The following MYT1L variants were observed in gnomAD, a reference collection of about 807,000 sequenced individuals.
MYT1L encodes the protein myelin transcription factor 1-like protein.
Under a neutral mutation model 126.7 loss-of-function variants are expected in MYT1L, and 12 were observed. The ratio of observed to expected loss-of-function variants is 0.09; its 90% CI spans 0.06 to 0.15. The LOEUF (loss-of-function observed/expected upper bound fraction) is 0.15, where lower values mean the gene tolerates loss of function less well. MYT1L is among the 10% of genes least tolerant of loss of function. The pLI, the probability that MYT1L is intolerant of heterozygous loss-of-function variation, is 1.00. For synonymous variants in MYT1L, 541 were observed against 604.2 expected, an observed-to-expected ratio of 0.90 and a Z score of 1.53; for missense variants, 979 against 1,585.2, an observed-to-expected ratio of 0.62 and a Z score of 6.49.
At chr2:1,942,156 C>T (rs923355899) in intron 9 of MYT1L, among the ~76,000 whole-genome samples, 4 of 152,104 alleles carry the variant, frequency 2.6e-5, no homozygotes, top group African/African-American at 9.7e-5. Context: ...GATAGCTAGG[C>T]TTTGCAAAAA....
intron 2 of MYT1L, among the ~76,000 whole-genome samples, chr2:2,173,813 G>A (rs974161324): frequency 7.2e-5 from 11 of 152,168 alleles, no homozygotes; most frequent in Non-Finnish European, 1.3e-4. Context: ...TGTGTCAGGA[G>A]AACGAAGAGA....
At chr2:2,230,454 A>G (rs1467975690) in intron 2 of MYT1L, among the ~76,000 whole-genome samples, 1 of 152,248 alleles carries the variant, frequency 6.6e-6, no homozygotes, top group African/African-American at 2.4e-5. Context: ...ATTCAGGATT[A>G]TGAATCGCCA....
rs1240851045 is a variant in MYT1L at position 1,956,619 on chromosome 2, T to TCTATCTATCTATCTAC, written c.153-13286_153-13285insGTAGATAGATAGATAG. 4.7e-4 allele frequency among the ~76,000 whole-genome samples: 63 copies of TCTATCTATCTATCTAC among 134,358 alleles called. 1 individual carries two copies. Among genetic ancestry groups the TCTATCTATCTATCTAC allele is most frequent in the South Asian group, 9.3e-4 (4 of 4,280 alleles). The allele number at this position is 134,358 out of a possible 152,430, so 88.1% of individuals were successfully genotyped here. ...ATCTATCTATCTATCTATCTATCTA[T>TCTATCTATCTATCTAC]CTACCTACCTACCTATCTAGCTATC... On this transcript the variant is annotated intron_variant, in intron 8 of 24. Coordinates refer to ENST00000647738, the MANE Select transcript of MYT1L (RefSeq NM_001303052.2).
intron 21 of MYT1L, among the ~76,000 whole-genome samples, chr2:1,819,796 C>T (rs2038242274): frequency 6.6e-6 from 1 of 152,214 alleles, no homozygotes; most frequent in Non-Finnish European, 1.5e-5. Context: ...AGCATGTCTT[C>T]AGCTTTGAAT....
intron 4 of MYT1L, among the ~76,000 whole-genome samples, chr2:2,029,150 T>C (rs1432024331): frequency 6.6e-6 from 1 of 152,198 alleles, no homozygotes; most frequent in Non-Finnish European, 1.5e-5. Context: ...TAATATTTTA[T>C]TGAACTATAA....
intron 1 of MYT1L, among the ~76,000 whole-genome samples, chr2:2,319,874 G>T (rs1360604138): frequency 6.6e-6 from 1 of 151,902 alleles, no homozygotes; most frequent in Non-Finnish European, 1.5e-5. Context: ...CACATAGTAG[G>T]TACTCAATAT....
intron 2 of MYT1L, among the ~76,000 whole-genome samples, chr2:2,190,694 A>C (rs1424476553): frequency 3.3e-5 from 5 of 152,228 alleles, no homozygotes; most frequent in African/African-American, 4.8e-5. Flanking sequence ...TGGATGAATG[A>C]ATGAGATAAC....
chr2:2,295,561 C>G (rs1295832682), intron 1 of MYT1L, among the ~76,000 whole-genome samples: 1 of 111,536 alleles, frequency 9.0e-6, no homozygotes, highest in African/African-American at 3.5e-5. Flanking sequence ...GAGAGACAGA[C>G]AGACAGAGAG....
At chr2:1,996,659 G>A (rs1400200120) in intron 5 of MYT1L, among the ~76,000 whole-genome samples, 1 of 127,562 alleles carries the variant, frequency 7.8e-6, no homozygotes, top group Non-Finnish European at 1.6e-5. Context: ...ACCTAGTGAG[G>A]GCCACCCTGC....
intron 3 of MYT1L, among the ~76,000 whole-genome samples, chr2:2,083,003 A>T (rs1045964868): frequency 1.3e-5 from 2 of 152,136 alleles, no homozygotes; most frequent in Non-Finnish European, 2.9e-5. Flanking sequence ...GGATACTGTG[A>T]TTCCTCAGCA....
intron 18 of MYT1L, among the ~76,000 whole-genome samples, chr2:1,855,704 A>G (rs879820661): frequency 4.6e-5 from 7 of 152,196 alleles, no homozygotes; most frequent in Non-Finnish European, 8.8e-5. Flanking sequence ...TATTCCAAAG[A>G]TACTATTGCT....
chr2:2,102,536 T>A (rs1054942440), intron 3 of MYT1L, among the ~76,000 whole-genome samples: 2 of 152,114 alleles, frequency 1.3e-5, no homozygotes, highest in Non-Finnish European at 2.9e-5. Flanking sequence ...CCTTTCTTAT[T>A]ACAGAAAAGG....
intron 21 of MYT1L, among the ~76,000 whole-genome samples, chr2:1,814,037 A>G (rs2037224725): frequency 1.3e-5 from 2 of 150,086 alleles, no homozygotes; most frequent in South Asian, 4.2e-4. Flanking sequence ...CAAAAAAAAA[A>G]AAAAAAGAAA....
At chr2:1,995,874 G>C (rs1338927017) in intron 5 of MYT1L, among the ~76,000 whole-genome samples, 2 of 152,234 alleles carry the variant, frequency 1.3e-5, no homozygotes, top group South Asian at 2.1e-4. Context: ...CCAGGGGACA[G>C]AGGCAAGTGA....
intron 1 of MYT1L, among the ~76,000 whole-genome samples, chr2:2,329,773 G>C (rs766001940): frequency 6.6e-6 from 1 of 152,108 alleles, no homozygotes; most frequent in Admixed American, 6.5e-5. Flanking sequence ...TATCACTCAA[G>C]TATAACTTTA....
intron 8 of MYT1L, among the ~76,000 whole-genome samples, chr2:1,956,317 T>C (rs926753496): frequency 7.8e-5 from 6 of 76,992 alleles, no homozygotes; most frequent in Admixed American, 2.1e-4. Context: ...ATATTTCCTA[T>C]TCTATGTGTC....
intron 13 of MYT1L, among the ~76,000 whole-genome samples, chr2:1,904,328 G>C (rs1015278975): frequency 6.6e-6 from 1 of 152,106 alleles, no homozygotes; most frequent in African/African-American, 2.4e-5. Context: ...ACACTGAAGA[G>C]CTGGTCAGGT....
At chr2:1,948,713 C>T (rs543712633) in intron 8 of MYT1L, among the ~76,000 whole-genome samples, 26 of 116,974 alleles carry the variant, frequency 2.2e-4, no homozygotes, top group African/African-American at 8.1e-4. Context: ...CCTCAGCTCA[C>T]CCTGTCAGTG....
chr2:2,094,346 T>C (rs955562437), intron 3 of MYT1L, among the ~76,000 whole-genome samples: 2 of 152,242 alleles, frequency 1.3e-5, no homozygotes, highest in Admixed American at 6.5e-5. Flanking sequence ...TCAACCATTG[T>C]GGAAGACAGT....
Sources: gnomAD v4.1 joint callset for allele counts (sites outside exome capture counted in the v4.1 genomes callset) on GRCh38, gnomAD v4.1.1 for gene constraint, MANE v1.5 for transcripts, NCBI Gene and HGNC (gene_info 2026-07-23, HGNC 2026-07-21) for gene names.